Variants in ACTN1 observed in about 807,000 individuals in gnomAD.
The protein encoded by ACTN1 is actinin alpha 1.
Under a neutral mutation model 119.6 loss-of-function variants are expected in ACTN1, and 30 were observed. The ratio of observed to expected loss-of-function variants is 0.25; its 90% CI spans 0.19 to 0.34. The LOEUF is 0.34. ACTN1 is among the 10% of genes least tolerant of loss of function. ACTN1 has a pLI of 1.00. For missense variants in ACTN1, 764 were observed against 1,223.4 expected (o/e 0.62, Z 5.60); for synonymous variants, 429 against 472.6 (o/e 0.91, Z 1.20).
At chr14:68,922,068 G>T (rs1028324833) in intron 2 of ACTN1, among the ~76,000 whole-genome samples, 1 of 152,188 alleles carries the variant, frequency 6.6e-6, no homozygotes, top group Non-Finnish European at 1.5e-5. Flanking sequence ...TAGGGAAGGG[G>T]TATATAGCTT....
At chr14:68,901,487 A>G (rs983986418) in intron 8 of ACTN1, among the ~76,000 whole-genome samples, 6 of 152,082 alleles carry the variant, frequency 3.9e-5, no homozygotes, top group African/African-American at 1.4e-4. Context: ...GCCTCAAGTG[A>G]TCCGCCTGCC....
chr14:68,912,322 C>T (rs943407928), intron 3 of ACTN1, 80 bp from the exon 4 acceptor site: 2 of 1,077,314 alleles, frequency 1.9e-6, no homozygotes, highest in African/African-American at 3.1e-5. Flanking sequence ...CCACAGCACT[C>T]CATGCCCCAC....
At chr14:68,900,484 G>A (rs2033238880) in intron 8 of ACTN1, among the ~76,000 whole-genome samples, 1 of 151,776 alleles carries the variant, frequency 6.6e-6, no homozygotes, top group Admixed American at 6.6e-5. Context: ...TGCTCAAGCA[G>A]GAAGGAGGGA....
At position 68,879,175 on chromosome 14, in the gene ACTN1, AC is replaced by A; in HGVS notation, c.2281-107del. 5.6e-6 allele frequency: 1 copy of A among 177,292 alleles called. No homozygotes were observed. Among genetic ancestry groups the A allele is most frequent in the Non-Finnish European group, 9.9e-6 (1 of 100,724 alleles). The allele number at this position is 177,292 out of a possible 1,614,324, so 11.0% of individuals were successfully genotyped here. A position where few individuals can be genotyped will look rare whatever the true frequency, so the allele number is the denominator to read the frequency against. Reference sequence around the variant, plus strand: ...GTGGCGTGTGTGGGGAGACACAGGGACAGGCATGCGGAGGGAGGGTGGGGGG... The same window carrying A: ...GTGGCGTGTGTGGGGAGACACAGGGAAGGCATGCGGAGGGAGGGTGGGGGG... On this transcript the variant is annotated intron_variant, in intron 18 of 21. Transcript: ENST00000394419. The surrounding 1 kb of genome is among the most constrained non-coding windows in gnomAD (Gnocchi z 4.9).
chr14:68,960,893 C>G (rs1445373632), intron 1 of ACTN1, among the ~76,000 whole-genome samples: 1 of 152,064 alleles, frequency 6.6e-6, no homozygotes, highest in Non-Finnish European at 1.5e-5. Context: ...ATCAACATAG[C>G]AAGACCCTAC....
intron 1 of ACTN1, among the ~76,000 whole-genome samples, chr14:68,964,951 T>G (rs969446316): frequency 6.6e-6 from 1 of 152,330 alleles, no homozygotes; most frequent in East Asian, 1.9e-4. Context: ...AGGGTGCAGC[T>G]GCCTGCATGT....
chr14:68,950,408 T>C (rs1322671053), intron 1 of ACTN1, among the ~76,000 whole-genome samples: 1 of 144,816 alleles, frequency 6.9e-6, no homozygotes, highest in African/African-American at 2.8e-5. Flanking sequence ...TCAAAATGGC[T>C]AAAATGGTAA....
At chr14:68,891,988 A>G (rs974928025) in intron 10 of ACTN1, 65 bp downstream of exon 10, 2 of 1,581,616 alleles carry the variant, frequency 1.3e-6, no homozygotes, top group African/African-American at 2.7e-5. Flanking sequence ...TTTGACCACA[A>G]CTAGGAGCAG....
intron 1 of ACTN1, among the ~76,000 whole-genome samples, chr14:68,960,133 A>G (rs2036478832): frequency 1.3e-5 from 2 of 151,838 alleles, no homozygotes; most frequent in Admixed American, 6.6e-5. Context: ...GGAGGAGGAG[A>G]AGAAGGAGGA....
rs549346024 is a variant in ACTN1, at chr14:68,915,339, G to A, written c.341-3097C>T. ...CAGCTCCCCTTCCCTAGATACCCACGTGGCCTGTCCCTGCCTCCTGCCAGT... is the reference window on the plus strand; with the variant it reads ...CAGCTCCCCTTCCCTAGATACCCACATGGCCTGTCCCTGCCTCCTGCCAGT... On this transcript the variant is annotated intron_variant, in intron 3 of 21. Transcript: ENST00000394419. 4.0e-5 allele frequency among the ~76,000 whole-genome samples: 6 copies of A among 148,184 alleles called. No homozygotes were observed. In the South Asian group the frequency reaches 1.3e-3, roughly 32 times the overall value.
rs998446856 is a variant in ACTN1, at chr14:68,878,424, C to T, written c.2427+34G>A. 1.3e-6 allele frequency: 2 copies of T among 1,530,990 alleles called. No homozygotes were observed. Among genetic ancestry groups the T allele is most frequent in the African/African-American group, 1.4e-5 (1 of 72,286 alleles). 94.8% of individuals were successfully genotyped at this position (1,530,990 alleles called of 1,614,324 possible). A position where few individuals can be genotyped will look rare whatever the true frequency, so the allele number is the denominator to read the frequency against. ...TGCTCCCGCCAGCTGGCTGCCTTCT[C>T]ACCAGGGCAGACAGAGGGTGGGGTT... is the stretch of plus-strand genomic sequence containing the variant. On this transcript the variant is annotated intron_variant, in intron 20 of 21. Transcript: ENST00000394419. The surrounding 1 kb of genome is among the most constrained non-coding windows in gnomAD (Gnocchi z 4.4).
At position 68,979,141 on chromosome 14, in the gene ACTN1, A is replaced by AGGGCC. The variant is rs145260230; in HGVS notation, c.-86_-85insGGCCC. ...TGCTGCCCTGGCGTGGGGAGGGAGT[A>AGGGCC]GGGCTGGGCTGGGCTGGGCTGGCGG... On this transcript the variant is annotated 5_prime_UTR_variant, in exon 1 of 22. Transcript: ENST00000394419. 9 of 414,968 alleles carry AGGGCC rather than the reference A, an allele frequency of 2.2e-5. No homozygotes were observed. Among genetic ancestry groups the AGGGCC allele is most frequent in the Non-Finnish European group, 3.8e-5 (9 of 235,060 alleles). The allele number at this position is 414,968 out of a possible 1,614,324, so 25.7% of individuals were successfully genotyped here. A position where few individuals can be genotyped will look rare whatever the true frequency, so the allele number is the denominator to read the frequency against.
chr14:68,904,609 G>T (rs768311106), intron 7 of ACTN1, 46 bp downstream of exon 7: 99 of 1,568,612 alleles, frequency 6.3e-5, no homozygotes, highest in Non-Finnish European at 8.3e-5. Flanking sequence ...CCGCTGAGTG[G>T]CAGGTGGGCG....
intron 8 of ACTN1, among the ~76,000 whole-genome samples, chr14:68,896,317 G>A (rs1017604962): frequency 2.0e-5 from 3 of 152,120 alleles, no homozygotes; most frequent in African/African-American, 7.2e-5. Context: ...GTGGTGAGTT[G>A]GACCTGCTTC....
intron 1 of ACTN1, chr14:68,947,530 G>GT (rs1217825998): frequency 1.3e-5 from 2 of 152,408 alleles, no homozygotes; most frequent in East Asian, 3.9e-4. Context: ...CTCCACACCA[G>GT]TGCTGCTGGC....
intron 8 of ACTN1, among the ~76,000 whole-genome samples, chr14:68,898,761 C>A (rs549392907): frequency 1.3e-5 from 2 of 152,176 alleles, no homozygotes; most frequent in South Asian, 2.1e-4. Context: ...CCAGCTGTGA[C>A]CTTGCCCTCA....
chr14:68,964,302 C>G (rs1214645961), intron 1 of ACTN1, among the ~76,000 whole-genome samples: 3 of 152,320 alleles, frequency 2.0e-5, no homozygotes, highest in African/African-American at 4.8e-5. Context: ...AAACAGGAGT[C>G]AAGTACCCTC....
intron 13 of ACTN1, 35 bp downstream of exon 13, chr14:68,884,740 G>T: frequency 6.5e-7 from 1 of 1,549,884 alleles, no homozygotes; most frequent in Non-Finnish European, 8.9e-7. Flanking sequence ...AGGGCTGCCG[G>T]ATATGGGCCT....
At chr14:68,978,225 G>A (rs1259210037) in intron 1 of ACTN1, 1 of 456,226 alleles carries the variant, frequency 2.2e-6, no homozygotes, top group East Asian at 7.0e-5. Flanking sequence ...ACCTTTCCCG[G>A]GGGTCGGAGG....
Sources: gnomAD v4.1 joint callset for allele counts (sites outside exome capture counted in the v4.1 genomes callset) on GRCh38, gnomAD v4.1.1 for gene constraint, Gnocchi (gnomAD v3.1) non-coding constraint, MANE v1.5 for transcripts, NCBI Gene and HGNC (gene_info 2026-07-23, HGNC 2026-07-21) for gene names.